The following ARHGEF37 variants were observed in gnomAD, a reference collection of about 807,000 sequenced individuals.
ARHGEF37 encodes Rho guanine nucleotide exchange factor (GEF) 37.
In ARHGEF37, 55 loss-of-function variants were observed where a neutral mutation model predicts 71.1. The observed-to-expected ratio is 0.77, with a 90% CI of 0.62 to 0.97. ARHGEF37 has a LOEUF of 0.97. ARHGEF37 is among the 50% of genes least tolerant of loss of function. The probability of loss-of-function intolerance (pLI) is 0.00; values close to 1 mark genes in which losing one functional copy is unlikely to be tolerated. For synonymous variants in ARHGEF37, 327 were observed against 350.6 expected, an observed-to-expected ratio of 0.93 and a Z score of 0.75; for missense variants, 765 against 836.8, an observed-to-expected ratio of 0.91 and a Z score of 1.06.
At chr5:149,609,154 A>T (rs1408838176) in intron 3 of ARHGEF37, among the ~76,000 whole-genome samples, 1 of 152,210 alleles carries the variant, frequency 6.6e-6, no homozygotes, top group Non-Finnish European at 1.5e-5. Context: ...ACCACACTCC[A>T]GCCTGGGGGA....
chr5:149,606,237 A>G (rs1763909258), intron 3 of ARHGEF37, among the ~76,000 whole-genome samples: 1 of 152,196 alleles, frequency 6.6e-6, no homozygotes, highest in Non-Finnish European at 1.5e-5. Flanking sequence ...CCGTCTCTGC[A>G]GTTGGCTGAT....
chr5:149,607,755 C>CTTTTTTT (rs67079479), intron 3 of ARHGEF37, among the ~76,000 whole-genome samples: 6 of 83,104 alleles, frequency 7.2e-5, no homozygotes, highest in African/African-American at 1.0e-4. Context: ...AAAGAAACTT[C>CTTTTTTT]TTTTTTTTTT....
intron 9 of ARHGEF37, 112 bp downstream of exon 9, chr5:149,622,174 A>C: frequency 9.4e-7 from 1 of 1,058,500 alleles, no homozygotes; most frequent in Non-Finnish European, 1.4e-6. Context: ...GCCTGAAAAC[A>C]GGTCATCAGG....
At chr5:149,628,756 A>G in intron 11 of ARHGEF37, 53 bp from the exon 12 acceptor site, 1 of 1,549,032 alleles carries the variant, frequency 6.5e-7, no homozygotes, top group Non-Finnish European at 8.7e-7. Context: ...CTCCCTCATT[A>G]AAAGGGACGG....
intron 9 of ARHGEF37, among the ~76,000 whole-genome samples, chr5:149,623,322 C>A (rs2113378827): frequency 6.6e-6 from 1 of 152,312 alleles, no homozygotes; most frequent in African/African-American, 2.4e-5. Flanking sequence ...TGTTTCTCCT[C>A]AAGCATGGGG....
chr5:149,595,164 T>TTTTG (rs768264345), intron 1 of ARHGEF37, among the ~76,000 whole-genome samples: 1 of 152,130 alleles, frequency 6.6e-6, no homozygotes, highest in South Asian at 2.1e-4. Context: ...TTGTTGTTGT[T>TTTTG]TTTGTTTGTT....
rs762097085 is a variant in ARHGEF37, at chr5:149,620,404, G to A, written c.945G>A (p.Gly315=). Residue 315 remains glycine, a synonymous_variant, in exon 8 of 13, where the codon GGG becomes GGA. Transcript: ENST00000333677. ...AATACAATCTGGACATCCCCGAGGG[G>A]CCTGCAGTGCAGTATTGCAATTTGG... ...PHEYNLDIPE[G]PAVQYCNLAR... 1.9e-6 allele frequency: 3 copies of A among 1,612,618 alleles called. No individual in the cohort carries two copies. Among genetic ancestry groups the A allele is most frequent in the Non-Finnish European group, 1.7e-6 (2 of 1,179,348 alleles).
intron 9 of ARHGEF37, 116 bp downstream of exon 9, chr5:149,622,178 C>T: frequency 9.7e-7 from 1 of 1,025,752 alleles, no homozygotes; most frequent in Non-Finnish European, 1.4e-6. Flanking sequence ...GAAAACAGGT[C>T]ATCAGGCCCT....
At chr5:149,577,734 G>A (rs916980005), upstream of ARHGEF37, among the ~76,000 whole-genome samples, 15 of 152,208 alleles carry the variant, frequency 9.9e-5, no homozygotes, top group Non-Finnish European at 8.8e-5. Context: ...TGACTTCCAT[G>A]TGGACATTTG....
chr5:149,607,227 C>A (rs1171603572), intron 3 of ARHGEF37, among the ~76,000 whole-genome samples: 1 of 152,220 alleles, frequency 6.6e-6, no homozygotes, highest in Admixed American at 6.5e-5. Context: ...ACACCATCCA[C>A]CTGGAGATTT....
At chr5:149,566,429 C>G (rs1762899255) in intron 1 of ARHGEF37, among the ~76,000 whole-genome samples, 1 of 151,974 alleles carries the variant, frequency 6.6e-6, no homozygotes, top group African/African-American at 2.4e-5. Context: ...GCCTGGGAGG[C>G]AGAAGTTGCA....
At chr5:149,602,233 T>C (rs1007915180) in intron 3 of ARHGEF37, among the ~76,000 whole-genome samples, 1 of 151,896 alleles carries the variant, frequency 6.6e-6, no homozygotes, top group South Asian at 2.1e-4. Context: ...CTTTTTGTAT[T>C]TTTAGTAGAG....
intron 1 of ARHGEF37, among the ~76,000 whole-genome samples, chr5:149,560,985 A>G (rs1268975241): frequency 6.6e-6 from 1 of 151,944 alleles, no homozygotes; most frequent in African/African-American, 2.4e-5. Flanking sequence ...TAGAAATTAG[A>G]AGATACTGGC....
At chr5:149,622,199 C>G in intron 9 of ARHGEF37, 137 bp downstream of exon 9, 1 of 808,544 alleles carries the variant, frequency 1.2e-6, no homozygotes, top group Non-Finnish European at 1.9e-6. Flanking sequence ...TAGGAAGAGG[C>G]AGTGGGAACC....
chr5:149,601,591 T>A (rs1387085955), intron 3 of ARHGEF37, among the ~76,000 whole-genome samples: 3 of 152,242 alleles, frequency 2.0e-5, no homozygotes, highest in African/African-American at 7.2e-5. Context: ...GAGTCTGAGC[T>A]TCTATTCTCA....
intron 5 of ARHGEF37, among the ~76,000 whole-genome samples, chr5:149,617,233 G>T (rs887587792): frequency 5.9e-5 from 9 of 152,210 alleles, no homozygotes; most frequent in African/African-American, 1.7e-4. Context: ...GTTGCCAGGG[G>T]TTTGGAATTA....
At chr5:149,624,900 G>GTTTTTTTTTTT (rs70973533) in intron 10 of ARHGEF37, among the ~76,000 whole-genome samples, 1 of 134,072 alleles carries the variant, frequency 7.5e-6, no homozygotes, top group Admixed American at 7.7e-5. Context: ...ATGCTTTTGG[G>GTTTTTTTTTTT]TTTTTTTTTT....
chr5:149,634,785 C>A lies in ARHGEF37; in HGVS notation c.*2594C>A, dbSNP rs1752984607. On this transcript the variant is annotated 3_prime_UTR_variant, in exon 13 of 13. Coordinates refer to ENST00000333677, the MANE Select transcript of ARHGEF37 (RefSeq NM_001001669.3). ...AGTTGAAGTCTGGTTCACAAGGGTA[C>A]CCCTTGCCTCCTGTGATGGAGTGAG... 6.6e-6 allele frequency: 1 copy of A among 152,592 alleles called. No homozygotes were observed. The highest frequency in any genetic ancestry group is 2.4e-5 in the African/African-American group (1 of 41,434). 9.5% of individuals were successfully genotyped at this position (152,592 alleles called of 1,614,324 possible).
intron 1 of ARHGEF37, among the ~76,000 whole-genome samples, chr5:149,590,764 T>A (rs1371911811): frequency 6.6e-6 from 1 of 151,902 alleles, no homozygotes; most frequent in Non-Finnish European, 1.5e-5. Flanking sequence ...ACCCGGCTAA[T>A]TTTTTTGTAT....
Sources: allele counts gnomAD v4.1 joint callset (sites outside exome capture counted in the v4.1 genomes callset), GRCh38; gene constraint gnomAD v4.1.1; transcripts MANE v1.5; gene names NCBI Gene and HGNC (gene_info 2026-07-23, HGNC 2026-07-21).